Variants in UNC93A observed in about 807,000 individuals in gnomAD.
UNC93A encodes unc-93 homolog A.
UNC93A carries 43 observed loss-of-function variants against 47.5 expected under a neutral mutation model. That is an observed-to-expected ratio of 0.91 (90% CI 0.71 to 1.17). UNC93A has a LOEUF of 1.17. Among genes scored for constraint, UNC93A ranks in the 50% most tolerant of loss-of-function variants. The pLI, the probability that UNC93A is intolerant of heterozygous loss-of-function variation, is 0.00. For missense variants in UNC93A, 605 were observed against 577.6 expected (o/e 1.05, Z -0.49); for synonymous variants, 280 against 258.0 (o/e 1.09, Z -0.82).
intron 7 of UNC93A, among the ~76,000 whole-genome samples, chr6:167,308,631 G>C (rs978018687): frequency 1.3e-5 from 2 of 151,868 alleles, no homozygotes; most frequent in African/African-American, 4.8e-5. Context: ...GGGCCCCTAA[G>C]AAGGCGGCCT....
chr6:167,305,540 TTTTCTC>T (rs150558843), intron 5 of UNC93A, among the ~76,000 whole-genome samples: 3,039 of 151,948 alleles, frequency 0.02, 88 homozygotes, highest in African/African-American at 0.066. Flanking sequence ...AATCTTTTCA[TTTTCTC>T]TTTCTCTCTC....
At chr6:167,275,926 C>A (rs547337394) in intron 1 of UNC93A, among the ~76,000 whole-genome samples, 1 of 152,172 alleles carries the variant, frequency 6.6e-6, no homozygotes, top group Non-Finnish European at 1.5e-5. Flanking sequence ...GAACACTGGG[C>A]TCCTTCCTCC....
At chr6:167,276,100 C>T (rs552356398) in intron 1 of UNC93A, among the ~76,000 whole-genome samples, 22 of 144,982 alleles carry the variant, frequency 1.5e-4, no homozygotes, top group Non-Finnish European at 2.7e-4. Flanking sequence ...TGAGTGAGAA[C>T]GTGTGGTGTT....
intron 7 of UNC93A, among the ~76,000 whole-genome samples, chr6:167,310,956 C>G (rs760883763): frequency 2.6e-5 from 4 of 152,168 alleles, no homozygotes; most frequent in Non-Finnish European, 5.9e-5. Flanking sequence ...AATCGTCATG[C>G]GTGAGTGGCA....
upstream of UNC93A, among the ~76,000 whole-genome samples, chr6:167,290,642 G>A (rs1783823711): frequency 6.6e-6 from 1 of 152,204 alleles, no homozygotes; most frequent in East Asian, 1.9e-4. Flanking sequence ...AGATGCAGTT[G>A]TGAACTCATT....
intron 1 of UNC93A, among the ~76,000 whole-genome samples, chr6:167,275,083 A>G (rs1783517153): frequency 6.6e-6 from 1 of 152,182 alleles, no homozygotes; most frequent in Non-Finnish European, 1.5e-5. Context: ...GCCTCCTTCC[A>G]TAGGAGCTGA....
At chr6:167,279,336 C>A (rs948695794) in intron 1 of UNC93A, among the ~76,000 whole-genome samples, 2 of 152,326 alleles carry the variant, frequency 1.3e-5, no homozygotes, top group Admixed American at 1.3e-4. Flanking sequence ...TGTAAAAAAA[C>A]AGCTTTCTCT....
upstream of UNC93A, among the ~76,000 whole-genome samples, chr6:167,287,662 T>C (rs1783761031): frequency 6.6e-6 from 1 of 151,482 alleles, no homozygotes; most frequent in Non-Finnish European, 1.5e-5. Context: ...GAAAAGGACC[T>C]ACGAACTTGG....
chr6:167,292,198 A>T (rs1192041505), intron 1 of UNC93A, among the ~76,000 whole-genome samples: 1 of 152,182 alleles, frequency 6.6e-6, no homozygotes, highest in Non-Finnish European at 1.5e-5. Flanking sequence ...CTTTACCTGG[A>T]TTCCAGTCTG....
rs865793589 is a variant in UNC93A at position 167,285,687 on chromosome 6, C to T, written c.-51-5752C>T. Among the ~76,000 whole-genome samples the T allele has an allele frequency of 4.1e-4, 62 of 151,536 alleles. 2 individuals are homozygous for T. Among genetic ancestry groups the T allele is most frequent in the African/African-American group, 1.4e-4 (6 of 41,436 alleles). ...CCACTGGGGTGGGGGTTCTGGAGGG[C>T]GGCCCTGGGCAGCAGCTCAACCAGG... On this transcript the variant is annotated intron_variant, in intron 1 of 3. Transcript: ENST00000503433.
chr6:167,270,057 TG>T (rs1241243553), upstream of UNC93A, among the ~76,000 whole-genome samples: 1 of 3,866 alleles, frequency 2.6e-4, no homozygotes, highest in South Asian at 0.012. Context: ...GGGGTGGGGG[TG>T]GGGGTGGGGG....
chr6:167,296,577 C>A (rs533791553), intron 3 of UNC93A, among the ~76,000 whole-genome samples: 1 of 152,342 alleles, frequency 6.6e-6, no homozygotes, highest in East Asian at 1.9e-4. Context: ...CATGGAGTCT[C>A]AACTGCACAA....
At chr6:167,305,888 G>C (rs780738201) in intron 5 of UNC93A, 27 bp from the exon 6 acceptor site, 1 of 1,613,914 alleles carries the variant, frequency 6.2e-7, no homozygotes. Context: ...GAGCGTCCAT[G>C]ACGTGGCTCT....
At chr6:167,310,608 C>T (rs374206967) in intron 7 of UNC93A, among the ~76,000 whole-genome samples, 2 of 152,248 alleles carry the variant, frequency 1.3e-5, no homozygotes, top group African/African-American at 2.4e-5. Context: ...TGGCCGGGTG[C>T]GGTGTCTCAC....
Position 167,304,258 on chromosome 6 carries a change from G to A in UNC93A, c.840+125G>A, listed in dbSNP as rs567598070. Reference sequence around the variant, plus strand: ...GCCCAGGGCTGGGGCTGGAGGGAGCGGGGTCCTATGCTCCCAGTGCTACCA... The same window carrying A: ...GCCCAGGGCTGGGGCTGGAGGGAGCAGGGTCCTATGCTCCCAGTGCTACCA... On this transcript the variant is annotated intron_variant, in intron 5 of 7. Coordinates refer to ENST00000230256, the MANE Select transcript of UNC93A (RefSeq NM_018974.4). 47 of 994,996 alleles carry A rather than the reference G, an allele frequency of 4.7e-5. 1 individual carries two copies. Among genetic ancestry groups the A allele is most frequent in the Non-Finnish European group, 5.5e-5 (36 of 655,856 alleles). 61.6% of individuals were successfully genotyped at this position (994,996 alleles called of 1,614,324 possible).
At chr6:167,285,865 T>C (rs1783717980) in intron 1 of UNC93A, among the ~76,000 whole-genome samples, 1 of 151,354 alleles carries the variant, frequency 6.6e-6, no homozygotes, top group Non-Finnish European at 1.5e-5. Context: ...AGTATATAGG[T>C]GCATGAAATA....
chr6:167,300,779 C>T (rs187658486), intron 4 of UNC93A, among the ~76,000 whole-genome samples: 22 of 152,266 alleles, frequency 1.4e-4, no homozygotes, highest in African/African-American at 1.9e-4. Context: ...CTGGGGGACT[C>T]GGGGACATTG....
chr6:167,279,471 C>T (rs1468623133), intron 1 of UNC93A, among the ~76,000 whole-genome samples: 1 of 152,184 alleles, frequency 6.6e-6, no homozygotes, highest in East Asian at 1.9e-4. Flanking sequence ...TTTAACACTT[C>T]TGCATTTTAA....
chr6:167,274,080 C>A (rs901571180), intron 1 of UNC93A, among the ~76,000 whole-genome samples: 5 of 152,120 alleles, frequency 3.3e-5, no homozygotes, highest in Non-Finnish European at 7.4e-5. Flanking sequence ...CAAGATATGG[C>A]CAAGAAACAT....
Sources: gnomAD v4.1 joint callset for allele counts (sites outside exome capture counted in the v4.1 genomes callset) on GRCh38, gnomAD v4.1.1 for gene constraint, MANE v1.5 for transcripts, NCBI Gene and HGNC (gene_info 2026-07-23, HGNC 2026-07-21) for gene names.